The following AP4B1 variants were observed in gnomAD, a reference collection of about 807,000 sequenced individuals.
AP4B1 encodes adaptor related protein complex 4 subunit beta 1, also known as AP-4 complex subunit beta-1.
Under a neutral mutation model 76.5 loss-of-function variants are expected in AP4B1, and 49 were observed. That is an observed-to-expected ratio of 0.64 (90% CI 0.51 to 0.81). The LOEUF (loss-of-function observed/expected upper bound fraction) is 0.81. AP4B1 is among the 40% of genes least tolerant of loss of function. The pLI is 0.00. For missense variants in AP4B1, 911 were observed against 904.9 expected (o/e 1.01, Z -0.09); for synonymous variants, 330 against 333.3 (o/e 0.99, Z 0.11).
intron 4 of AP4B1, 26 bp downstream of exon 4, chr1:113,901,210 T>C: frequency 6.2e-7 from 1 of 1,613,814 alleles, no homozygotes; most frequent in African/African-American, 1.3e-5. Context: ...GATCTCATAA[T>C]AAAAAGAGTG....
chr1:113,896,152 T>C, intron 8 of AP4B1, 106 bp downstream of exon 8: 2 of 1,593,240 alleles, frequency 1.3e-6, no homozygotes, highest in Non-Finnish European at 1.7e-6. Flanking sequence ...TAGGAAGCAT[T>C]CACATTTTCT....
chr1:113,895,196 G>C lies in AP4B1; in HGVS notation c.2089C>G (p.Leu697Val). The C allele has an allele frequency of 6.2e-7, 1 of 1,614,138 alleles. No individual in the cohort carries two copies. Among genetic ancestry groups the C allele is most frequent in the Non-Finnish European group, 8.5e-7 (1 of 1,180,018 alleles). ...DDTGCLFLTE[L>V]LLEPGNSEMQ... is the part of the protein sequence containing the mutation. The stretch of plus-strand genomic sequence containing the variant: ...TCTGAGTTTCCAGGCTCCAATAGCA[G>C]TTCTGTTAAGAACAGACAGCCAGTA... The change falls in exon 10 of 10, where the codon CTG becomes GTG. Residue 697 changes from leucine (L) to valine (V), a missense_variant. Leu to Val is a conservative substitution (Grantham distance 32). Coordinates refer to ENST00000369569, the MANE Select transcript of AP4B1 (RefSeq NM_001253852.3).
At chr1:113,902,925 T>C in intron 1 of AP4B1, 63 bp from the exon 2 acceptor site, 1 of 1,462,246 alleles carries the variant, frequency 6.8e-7, no homozygotes, top group Non-Finnish European at 9.5e-7. Context: ...ATGGAGGGAG[T>C]TTTACTTACA....
Position 113,894,264 on chromosome 1 carries a change from G to A in AP4B1, c.*801C>T, listed in dbSNP as rs1437383433. Among the ~76,000 whole-genome samples, 4 of 152,186 alleles carry A rather than the reference G, an allele frequency of 2.6e-5. No individual in the cohort carries two copies. In the East Asian group the frequency reaches 7.7e-4, roughly 29 times the overall value. On this transcript the variant is annotated 3_prime_UTR_variant, in exon 10 of 10. Transcript: ENST00000369569. ...TGCTTCAATGTACAAAATGTGGTCA[G>A]ATAAGAACAGAATAAAAATTGAGGA... is the stretch of plus-strand genomic sequence containing the variant.
At chr1:113,899,076 G>A (rs1367245148) in intron 5 of AP4B1, 2 of 1,243,852 alleles carry the variant, frequency 1.6e-6, no homozygotes, top group Admixed American at 7.9e-5. Context: ...AGTAACAAAG[G>A]TATTTACATG....
chr1:113,896,553 GCTTAGTGC>G (rs1203028205), intron 7 of AP4B1, 88 bp from the exon 8 acceptor site: 1 of 1,254,236 alleles, frequency 8.0e-7, no homozygotes, highest in South Asian at 1.2e-5. Context: ...TTTGCTTTTC[GCTTAGTGC>G]CAGCAGAAAA....
chr1:113,900,518 G>T, intron 4 of AP4B1, 118 bp from the exon 5 acceptor site: 1 of 1,236,962 alleles, frequency 8.1e-7, no homozygotes, highest in Non-Finnish European at 1.1e-6. Flanking sequence ...CTTAAAAATA[G>T]GCTGTGCCAT....
Position 113,896,438 on chromosome 1 carries a change from C to G in AP4B1, c.1330G>C (p.Gly444Arg), listed in dbSNP as rs777418767. 2.5e-6 allele frequency: 4 copies of G among 1,614,148 alleles called. No homozygotes were observed. Among genetic ancestry groups the G allele is most frequent in the Non-Finnish European group, 3.4e-6 (4 of 1,180,022 alleles). ...EGKQALIWLLGVHGERIPNAP... is the reference protein window; with the variant it reads ...EGKQALIWLLRVHGERIPNAP... ...TTAGGAATTCTTTCCCCATGGACACCAAGTAGCCAAATAAGTGCTTGCTTC... is the reference window on the plus strand; with the variant it reads ...TTAGGAATTCTTTCCCCATGGACACGAAGTAGCCAAATAAGTGCTTGCTTC... Residue 444 changes from glycine (G) to arginine (R), a missense_variant, in exon 8 of 10, where the codon GGT (glycine) becomes CGT (arginine). Coordinates refer to ENST00000369569, the MANE Select transcript of AP4B1 (RefSeq NM_001253852.3).
intron 8 of AP4B1, 100 bp from the exon 9 acceptor site, chr1:113,896,138 A>C: frequency 6.3e-7 from 1 of 1,596,894 alleles, no homozygotes. Flanking sequence ...GAGAGAGGAA[A>C]ACCTAGGAAG....
Position 113,902,657 on chromosome 1 carries a change from G to A in AP4B1, c.319C>T (p.Arg107Trp), listed in dbSNP as rs74361335. Residue 107 changes from arginine (R) to tryptophan (W), a missense_variant, in exon 2 of 10, where the codon CGG (arginine) becomes TGG (tryptophan). By Grantham distance (101) the Arg-to-Trp change is moderately radical. Coordinates refer to ENST00000369569, the MANE Select transcript of AP4B1 (RefSeq NM_001253852.3). ...PNPMVRGLAL[R>W]SMCSLRMPGV... ...ACTCACCTGAGGCTACACATGCTCC[G>A]TAACGCCAGCCCTCGCACCATTGGA... 34 of 1,613,290 alleles carry A rather than the reference G, an allele frequency of 2.1e-5. 1 individual carries two copies. Among genetic ancestry groups the A allele is most frequent in the Non-Finnish European group, 2.5e-5 (29 of 1,180,018 alleles).
intron 1 of AP4B1, among the ~76,000 whole-genome samples, chr1:113,904,284 A>T (rs1256244198): frequency 6.6e-6 from 1 of 152,202 alleles, no homozygotes. Context: ...TACTTTTGAT[A>T]AACCACGCAC....
Position 113,895,969 on chromosome 1 carries a change from T to C in AP4B1, c.1580A>G (p.Asp527Gly). The C allele has an allele frequency of 1.9e-6, 3 of 1,614,190 alleles. No homozygotes were observed. The highest frequency in any genetic ancestry group is 2.5e-6 in the Non-Finnish European group (3 of 1,180,038). The change falls in exon 9 of 10, where the codon GAT becomes GGT. Residue 527 changes from aspartate (D) to glycine (G), a missense_variant. Physicochemically the swap from Asp to Gly is moderately conservative, Grantham distance 94. Coordinates refer to ENST00000369569, the MANE Select transcript of AP4B1 (RefSeq NM_001253852.3). ...GCTACACAGAATCCGCTTAACTTCA[T>C]CAATGCCAACTAAGAGGAGGCGATA... is the stretch of plus-strand genomic sequence containing the variant. ...FYYRLLLVGI[D>G]EVKRILCSPK...
At chr1:113,904,815 C>A, upstream of AP4B1, 2 of 1,061,698 alleles carry the variant, frequency 1.9e-6, no homozygotes, top group Admixed American at 3.4e-5. Context: ...AAATATGAGT[C>A]AGTGAAAATA....
Position 113,895,754 on chromosome 1 carries a change from T to C in AP4B1, c.1792+3A>G. 1 of 1,614,206 alleles carries C rather than the reference T, an allele frequency of 6.2e-7. No individual in the cohort carries two copies. Among genetic ancestry groups the C allele is most frequent in the Non-Finnish European group, 8.5e-7 (1 of 1,180,044 alleles). ...CAAGATTTAAGGTAAGGACTGTTTT[T>C]ACCTGATGCGGCAAAGGATGAAGTT... On this transcript the variant is annotated splice_donor_region_variant and intron_variant, in intron 9 of 9. Coordinates refer to ENST00000369569, the MANE Select transcript of AP4B1 (RefSeq NM_001253852.3).
At chr1:113,899,455 A>G in intron 5 of AP4B1, 1 of 693,474 alleles carries the variant, frequency 1.4e-6, no homozygotes, top group Non-Finnish European at 1.9e-6. Context: ...TAGGACTTTG[A>G]GTCAGGAAAG....
intron 2 of AP4B1, chr1:113,902,250 C>G (rs1421770140): frequency 2.6e-6 from 1 of 391,734 alleles, no homozygotes; most frequent in Non-Finnish European, 4.8e-6. Context: ...CAGCTGGTCT[C>G]AAATTCCTGG....
rs1667411474 is a variant in AP4B1 at position 113,895,950 on chromosome 1, C to A, written c.1599G>T (p.Leu533=). ...GAGTAGGGTCAGATTTAGGGCTACA[C>A]AGAATCCGCTTAACTTCATCAATGC... ...LVGIDEVKRI[L]CSPKSDPTLG... is the part of the protein sequence containing the mutation. Residue 533 remains leucine (L), a synonymous_variant, in exon 9 of 10, where the codon CTG becomes CTT. Transcript: ENST00000369569. The A allele has an allele frequency of 1.2e-6, 2 of 1,614,072 alleles. No homozygotes were observed. The highest frequency in any genetic ancestry group is 1.7e-6 in the Non-Finnish European group (2 of 1,180,050).
At chr1:113,898,624 A>C in intron 6 of AP4B1, 94 bp downstream of exon 6, 1 of 934,834 alleles carries the variant, frequency 1.1e-6, no homozygotes. Flanking sequence ...TCAAATCTCT[A>C]TATTACTCAT....
At chr1:113,904,229 A>T (rs1284251011) in intron 1 of AP4B1, among the ~76,000 whole-genome samples, 1 of 152,208 alleles carries the variant, frequency 6.6e-6, no homozygotes, top group African/African-American at 2.4e-5. Flanking sequence ...ATGTAAGCTG[A>T]ACAGGTTTGA....
Sources: allele counts gnomAD v4.1 joint callset (sites outside exome capture counted in the v4.1 genomes callset), GRCh38; gene constraint gnomAD v4.1.1; transcripts MANE v1.5; gene names NCBI Gene and HGNC (gene_info 2026-07-23, HGNC 2026-07-21).